Variants in EXOC6B observed in about 807,000 individuals in gnomAD.
EXOC6B encodes the protein SEC15 homolog B.
A neutral mutation model predicts 113.5 loss-of-function variants in EXOC6B; 54 were observed. The observed-to-expected ratio is 0.48, with a 90% CI of 0.38 to 0.60. EXOC6B has a LOEUF of 0.60. Among genes scored for constraint, EXOC6B ranks in the 20% least tolerant of loss-of-function variants. EXOC6B has a pLI of 0.00. For synonymous variants in EXOC6B, 357 were observed against 339.0 expected (o/e 1.05, Z -0.58); for missense variants, 797 against 977.5 (o/e 0.82, Z 2.46).
intron 7 of EXOC6B, among the ~76,000 whole-genome samples, chr2:72,561,616 T>C (rs866842438): frequency 2.6e-5 from 4 of 152,076 alleles, no homozygotes; most frequent in Admixed American, 6.6e-5. Context: ...TAAGGGAGAA[T>C]TTCCCTAGAA....
intron 6 of EXOC6B, among the ~76,000 whole-genome samples, chr2:72,706,664 T>A (rs1334992133): frequency 6.6e-6 from 1 of 152,194 alleles, no homozygotes; most frequent in Non-Finnish European, 1.5e-5. Context: ...GATTTTTACT[T>A]TTCTGTACTT....
intron 20 of EXOC6B, among the ~76,000 whole-genome samples, chr2:72,293,444 T>C (rs538381241): frequency 6.6e-6 from 1 of 152,124 alleles, no homozygotes; most frequent in Non-Finnish European, 1.5e-5. Context: ...AAAGGGACAA[T>C]GAGGGTAGGC....
At chr2:72,727,596 T>A (rs1680377652) in intron 5 of EXOC6B, among the ~76,000 whole-genome samples, 1 of 152,192 alleles carries the variant, frequency 6.6e-6, no homozygotes. Context: ...CCATTCTCTA[T>A]CGCACTGTGG....
At chr2:72,646,766 A>C (rs1673752255) in intron 6 of EXOC6B, among the ~76,000 whole-genome samples, 2 of 152,144 alleles carry the variant, frequency 1.3e-5, no homozygotes, top group African/African-American at 4.8e-5. Context: ...TATGATAAAA[A>C]CTCTCAATAA....
At chr2:72,305,725 A>G (rs1264684397) in intron 20 of EXOC6B, among the ~76,000 whole-genome samples, 2 of 151,882 alleles carry the variant, frequency 1.3e-5, no homozygotes, top group Admixed American at 1.3e-4. Context: ...GTTTCACTCT[A>G]ATGTACTGTA....
chr2:72,731,238 A>T lies in EXOC6B; in HGVS notation c.335T>A (p.Ile112Lys), dbSNP rs763060564. 5 of 1,612,414 alleles carry T rather than the reference A, an allele frequency of 3.1e-6. No homozygotes were observed. The highest frequency in any genetic ancestry group is 1.7e-6 in the Non-Finnish European group (2 of 1,179,010). ...ACACTGCTTCAGCTCTTCCATTGCTATTACCAGCTTGGCAAGAGGGAAAAA... is the reference window on the plus strand; with the variant it reads ...ACACTGCTTCAGCTCTTCCATTGCTTTTACCAGCTTGGCAAGAGGGAAAAA... ...KLQHEGKELV[I>K]AMEELKQCRL... Residue 112 changes from isoleucine (I) to lysine (K), a missense_variant, in exon 4 of 22, where the codon ATA becomes AAA. Coordinates refer to ENST00000272427, the MANE Select transcript of EXOC6B (RefSeq NM_015189.3).
chr2:72,286,892 A>G (rs1685465503), intron 20 of EXOC6B, among the ~76,000 whole-genome samples: 1 of 152,204 alleles, frequency 6.6e-6, no homozygotes, highest in Admixed American at 6.5e-5. Context: ...TCATGTTTCA[A>G]GAAGAAATTA....
At chr2:72,536,384 A>G (rs1030091033) in intron 8 of EXOC6B, among the ~76,000 whole-genome samples, 1 of 152,198 alleles carries the variant, frequency 6.6e-6, no homozygotes, top group African/African-American at 2.4e-5. Context: ...TCTGAAATCT[A>G]TATGTATATA....
At chr2:72,661,774 G>A (rs1027015903) in intron 6 of EXOC6B, among the ~76,000 whole-genome samples, 2 of 151,978 alleles carry the variant, frequency 1.3e-5, no homozygotes, top group African/African-American at 4.8e-5. Context: ...AATAAAGTGA[G>A]AGGAATTACA....
At chr2:72,654,982 T>C (rs941236448) in intron 6 of EXOC6B, among the ~76,000 whole-genome samples, 2 of 152,240 alleles carry the variant, frequency 1.3e-5, no homozygotes, top group Non-Finnish European at 2.9e-5. Context: ...TATTTATCTT[T>C]TGAAAATTTG....
intron 6 of EXOC6B, among the ~76,000 whole-genome samples, chr2:72,710,417 C>G (rs1202747754): frequency 6.7e-6 from 1 of 149,622 alleles, no homozygotes; most frequent in African/African-American, 2.5e-5. Flanking sequence ...TTAAGGCAAG[C>G]AGAAAAAAAA....
chr2:72,825,762 G>T lies in EXOC6B; in HGVS notation c.113+36C>A, dbSNP rs1559033548. On this transcript the variant is annotated intron_variant, in intron 1 of 21. Coordinates refer to ENST00000272427, the MANE Select transcript of EXOC6B (RefSeq NM_015189.3). This position sits in a 1 kb window ranked among gnomAD's most constrained non-coding sequence, Gnocchi z 4.4. ...CAGAGGAGCCTGCCCCGTCCCGCCCGTTCCCGCCCCTCTGTGGTCCCGGCA... is the reference window on the plus strand; with the variant it reads ...CAGAGGAGCCTGCCCCGTCCCGCCCTTTCCCGCCCCTCTGTGGTCCCGGCA... 3.6e-6 allele frequency: 4 copies of T among 1,095,898 alleles called. No homozygotes were observed. Among genetic ancestry groups the T allele is most frequent in the Middle Eastern group, 2.6e-4 (1 of 3,920 alleles). 67.9% of individuals were successfully genotyped at this position (1,095,898 alleles called of 1,614,324 possible). A position where few individuals can be genotyped will look rare whatever the true frequency, so the allele number is the denominator to read the frequency against.
chr2:72,216,758 G>A (rs1192004297), intron 20 of EXOC6B, among the ~76,000 whole-genome samples: 2 of 152,096 alleles, frequency 1.3e-5, no homozygotes, highest in African/African-American at 2.4e-5. Flanking sequence ...GCAGGGACAC[G>A]GGTGAAGCAG....
intron 1 of EXOC6B, among the ~76,000 whole-genome samples, chr2:72,773,320 G>T: frequency 6.6e-6 from 1 of 150,626 alleles, no homozygotes. Flanking sequence ...TGTAAAGATG[G>T]GATTTCACCA....
Position 72,569,139 on chromosome 2 carries a change from G to A in EXOC6B, c.846+6353C>T, listed in dbSNP as rs149430444. On this transcript the variant is annotated intron_variant, in intron 7 of 21. Coordinates refer to ENST00000272427, the MANE Select transcript of EXOC6B (RefSeq NM_015189.3). ...CCTTTTGGTATTTCATTATATATAT[G>A]GGCACCTACTTTTGACTGCATATGT... Among the ~76,000 whole-genome samples the A allele has an allele frequency of 2.8e-3, 420 of 152,020 alleles. 4 individuals are homozygous for A. The highest frequency in any genetic ancestry group is 8.8e-3 in the African/African-American group (366 of 41,496).
At chr2:72,486,526 CCTT>C (rs1265319513) in intron 16 of EXOC6B, among the ~76,000 whole-genome samples, 5 of 152,134 alleles carry the variant, frequency 3.3e-5, no homozygotes, top group Admixed American at 2.0e-4. Context: ...CTTCAACACA[CCTT>C]CTTTCTCCTT....
intron 19 of EXOC6B, among the ~76,000 whole-genome samples, chr2:72,370,338 C>T (rs548853537): frequency 2.4e-4 from 36 of 152,104 alleles, no homozygotes; most frequent in South Asian, 2.1e-3. Context: ...GTTAGAATGG[C>T]GATCATTAAA....
At chr2:72,630,681 T>A (rs898855032) in intron 6 of EXOC6B, among the ~76,000 whole-genome samples, 1 of 152,162 alleles carries the variant, frequency 6.6e-6, no homozygotes, top group Non-Finnish European at 1.5e-5. Flanking sequence ...AAAAAAACTT[T>A]CTACATTTTT....
intron 8 of EXOC6B, among the ~76,000 whole-genome samples, chr2:72,532,794 C>T (rs1018823388): frequency 4.6e-5 from 7 of 151,486 alleles, no homozygotes; most frequent in East Asian, 1.9e-4. Context: ...GGTGACAGAG[C>T]GAGACTCCAT....
Sources: gnomAD v4.1 joint callset for allele counts (sites outside exome capture counted in the v4.1 genomes callset) on GRCh38, gnomAD v4.1.1 for gene constraint, Gnocchi (gnomAD v3.1) non-coding constraint, MANE v1.5 for transcripts, NCBI Gene and HGNC (gene_info 2026-07-23, HGNC 2026-07-21) for gene names.